Variants in VPS13A observed in about 807,000 individuals in gnomAD.
The protein encoded by VPS13A is intermembrane lipid transfer protein VPS13A.
VPS13A carries 264 observed loss-of-function variants against 390.9 expected under a neutral mutation model. That is an observed-to-expected ratio of 0.68 (90% CI 0.61 to 0.75). The LOEUF (loss-of-function observed/expected upper bound fraction) is 0.75, where lower values mean the gene tolerates loss of function less well. VPS13A is among the 30% of genes least tolerant of loss of function. The pLI is 0.00. For missense variants in VPS13A, 3,409 were observed against 3,733.9 expected, an observed-to-expected ratio of 0.91 and a Z score of 2.27; for synonymous variants, 1,231 against 1,227.1, an observed-to-expected ratio of 1.00 and a Z score of -0.07.
chr9:77,204,289 ACTCT>A (rs1040766755), intron 3 of VPS13A, among the ~76,000 whole-genome samples: 1 of 152,046 alleles, frequency 6.6e-6, no homozygotes, highest in Non-Finnish European at 1.5e-5. Flanking sequence ...ATATTTTAAA[ACTCT>A]CTATTACGAA....
chr9:77,371,264 A>C (rs1181759250), intron 67 of VPS13A, 115 bp downstream of exon 67: 1 of 1,410,090 alleles, frequency 7.1e-7, no homozygotes, highest in African/African-American at 1.4e-5. Context: ...TGCTGCTATA[A>C]CATACCACAT....
At chr9:77,323,741 C>T (rs983567025) in intron 45 of VPS13A, among the ~76,000 whole-genome samples, 2 of 152,108 alleles carry the variant, frequency 1.3e-5, no homozygotes, top group African/African-American at 2.4e-5. Flanking sequence ...ACTGATCTGT[C>T]CTCATTGTAC....
intron 4 of VPS13A, 53 bp from the exon 5 acceptor site, chr9:77,205,925 A>G: frequency 8.1e-7 from 1 of 1,229,774 alleles, no homozygotes; most frequent in Non-Finnish European, 1.2e-6. Flanking sequence ...TTTTGGAATG[A>G]CTATATTTAA....
chr9:77,335,513 A>G (rs983204784), intron 46 of VPS13A, among the ~76,000 whole-genome samples: 1 of 152,218 alleles, frequency 6.6e-6, no homozygotes, highest in African/African-American at 2.4e-5. Context: ...ATTTACAAGA[A>G]AAAAACAACC....
intron 68 of VPS13A, among the ~76,000 whole-genome samples, chr9:77,393,022 A>G (rs1042806138): frequency 6.6e-6 from 1 of 152,144 alleles, no homozygotes; most frequent in Non-Finnish European, 1.5e-5. Flanking sequence ...GTTTGATAGC[A>G]TTTTACCCTC....
chr9:77,375,756 G>A (rs146595611), intron 67 of VPS13A, among the ~76,000 whole-genome samples: 1 of 152,268 alleles, frequency 6.6e-6, no homozygotes, highest in Non-Finnish European at 1.5e-5. Flanking sequence ...GAGTTAACAA[G>A]CTACCTAATA....
intron 59 of VPS13A, among the ~76,000 whole-genome samples, chr9:77,363,190 G>T (rs1238846383): frequency 6.6e-6 from 1 of 152,030 alleles, no homozygotes; most frequent in Non-Finnish European, 1.5e-5. Flanking sequence ...TCTGATCTTG[G>T]AGGGTAAATT....
At chr9:77,350,557 G>A (rs1002206120) in intron 52 of VPS13A, among the ~76,000 whole-genome samples, 12 of 152,118 alleles carry the variant, frequency 7.9e-5, no homozygotes, top group Non-Finnish European at 1.5e-4. Context: ...AAAATTTTAA[G>A]TGATAACGTT....
chr9:77,254,557 C>A (rs922123133), intron 22 of VPS13A, among the ~76,000 whole-genome samples: 1 of 152,002 alleles, frequency 6.6e-6, no homozygotes, highest in African/African-American at 2.4e-5. Context: ...GTTTTCTTTT[C>A]TTGTAAAAAA....
chr9:77,195,214 C>G (rs1474855901), intron 1 of VPS13A, among the ~76,000 whole-genome samples: 2 of 152,104 alleles, frequency 1.3e-5, no homozygotes, highest in Non-Finnish European at 2.9e-5. Context: ...AACTCCGCTT[C>G]CCGGGTTCAC....
intron 70 of VPS13A, among the ~76,000 whole-genome samples, chr9:77,406,792 C>G (rs976815983): frequency 6.6e-6 from 1 of 151,760 alleles, no homozygotes; most frequent in African/African-American, 2.4e-5. Flanking sequence ...AGTTGAATTA[C>G]TTATAGAACA....
In VPS13A at chr9:77,317,664, T is replaced by G; in HGVS notation, c.4922T>G (p.Val1641Gly). 1 of 1,600,498 alleles carries G rather than the reference T, an allele frequency of 6.2e-7. No individual in the cohort carries two copies. Among genetic ancestry groups the G allele is most frequent in the Non-Finnish European group, 8.5e-7 (1 of 1,172,852 alleles). ...QTTQKGTDPQ[V>G]IDMSVKSLTL... is the part of the protein sequence containing the mutation. The stretch of plus-strand genomic sequence containing the variant: ...ACTCAGAAAGGTACAGATCCACAAG[T>G]GATCGATATGTCAGTAAAATCCCTG... Residue 1641 changes from valine to glycine, a missense_variant, in exon 40 of 72, where the codon GTG (valine) becomes GGG (glycine). Val to Gly is a moderately radical substitution (Grantham distance 109, BLOSUM62 -3). Around this residue, in one of 5 missense-constraint regions of VPS13A, gnomAD observed 2,717 missense variants for 2,917.4 expected, o/e 0.93. Transcript: ENST00000360280.
intron 5 of VPS13A, among the ~76,000 whole-genome samples, chr9:77,207,248 TA>T (rs778693727): frequency 0.028 from 3,135 of 112,282 alleles, 186 homozygotes; most frequent in African/African-American, 0.055. Context: ...TATATATATA[TA>T]TATAAAACGT....
At chr9:77,215,306 A>G (rs541228394) in intron 10 of VPS13A, among the ~76,000 whole-genome samples, 7 of 152,250 alleles carry the variant, frequency 4.6e-5, no homozygotes, top group South Asian at 2.1e-4. Context: ...TTTTCTGTCT[A>G]TATTATACAC....
chr9:77,319,050 A>G (rs1449536776), intron 41 of VPS13A, among the ~76,000 whole-genome samples: 1 of 151,916 alleles, frequency 6.6e-6, no homozygotes, highest in African/African-American at 2.4e-5. Context: ...AAAATTAGCC[A>G]GTGGTGGTGG....
At chr9:77,395,724 A>G (rs1053539312) in intron 68 of VPS13A, 2 of 152,242 alleles carry the variant, frequency 1.3e-5, no homozygotes, top group Non-Finnish European at 2.9e-5. Flanking sequence ...ATACCAGTTT[A>G]TGCAAGTTCT....
At chr9:77,283,765 G>A in intron 31 of VPS13A, 115 bp downstream of exon 31, 1 of 863,898 alleles carries the variant, frequency 1.2e-6, no homozygotes, top group African/African-American at 1.7e-5. Flanking sequence ...CTTATTATGT[G>A]CATGGGTTTT....
chr9:77,357,560 G>T, intron 55 of VPS13A, 132 bp from the exon 56 acceptor site: 2 of 860,812 alleles, frequency 2.3e-6, no homozygotes, highest in South Asian at 3.7e-5. Flanking sequence ...TATGGACATG[G>T]GATATTAAGA....
intron 33 of VPS13A, among the ~76,000 whole-genome samples, chr9:77,296,605 T>G (rs76881869): frequency 0.039 from 5,948 of 152,248 alleles, 330 homozygotes; most frequent in African/African-American, 0.12. Flanking sequence ...GTGCTTTCTT[T>G]GATCAATTGT....
Sources: gnomAD v4.1 joint callset for allele counts (sites outside exome capture counted in the v4.1 genomes callset) on GRCh38, gnomAD v4.1.1 for gene constraint, gnomAD v4.1.1 regional missense constraint, MANE v1.5 for transcripts, NCBI Gene and HGNC (gene_info 2026-07-23, HGNC 2026-07-21) for gene names.